Variants in ZC3H12B observed in about 807,000 individuals in gnomAD.
The protein encoded by ZC3H12B is probable ribonuclease ZC3H12B.
Under a neutral mutation model 43.9 loss-of-function variants are expected in ZC3H12B, and 7 were observed. The ratio of observed to expected loss-of-function variants is 0.16; its 90% CI spans 0.09 to 0.30. The LOEUF (loss-of-function observed/expected upper bound fraction) is 0.30, where lower values mean the gene tolerates loss of function less well. Among genes scored for constraint, ZC3H12B ranks in the 10% least tolerant of loss-of-function variants. The pLI is 1.00. For missense variants in ZC3H12B, 475 were observed against 670.2 expected (o/e 0.71, Z 3.22); for synonymous variants, 222 against 241.7 (o/e 0.92, Z 0.76).
intron 3 of ZC3H12B, among the ~76,000 whole-genome samples, chrX:65,470,648 C>T (rs1329071442): frequency 1.8e-5 from 2 of 111,375 alleles, no homozygotes; most frequent in African/African-American, 3.3e-5. Context: ...GAAGTACCCA[C>T]TCATGAGTGC....
chrX:65,055,226 C>T, the ZC3H12B span, among the ~76,000 whole-genome samples: 1 of 111,279 alleles, frequency 9.0e-6, no homozygotes, highest in African/African-American at 3.3e-5. Context: ...GTGGGTTTGT[C>T]ATAAATAGCT....
chrX:65,045,494 C>T, the ZC3H12B span, among the ~76,000 whole-genome samples: 2 of 112,084 alleles, frequency 1.8e-5, no homozygotes, highest in African/African-American at 6.5e-5. Context: ...AGAAGCAACT[C>T]CTCATCCATT....
the ZC3H12B span, among the ~76,000 whole-genome samples, chrX:65,255,288 G>A: frequency 9.0e-6 from 1 of 111,496 alleles, no homozygotes; most frequent in Non-Finnish European, 1.9e-5. Context: ...AAGAAAAAAC[G>A]TTAAGTCAGC....
At chrX:65,479,313 G>T in intron 3 of ZC3H12B, among the ~76,000 whole-genome samples, 1 of 111,036 alleles carries the variant, frequency 9.0e-6, no homozygotes, top group Non-Finnish European at 1.9e-5. Flanking sequence ...TTCTTACCGA[G>T]GTTCAGCCAG....
chrX:65,189,300 G>T, the ZC3H12B span, among the ~76,000 whole-genome samples: 1 of 92,401 alleles, frequency 1.1e-5, no homozygotes, highest in East Asian at 3.5e-4. Context: ...ATAGTCGTTT[G>T]GGTATATACC....
chrX:65,338,285 A>T, the ZC3H12B span, among the ~76,000 whole-genome samples: 1 of 111,783 alleles, frequency 8.9e-6, no homozygotes, highest in South Asian at 3.7e-4. Context: ...ATTTCTGGAA[A>T]CTCACAACCT....
the ZC3H12B span, among the ~76,000 whole-genome samples, chrX:65,246,558 A>G: frequency 1.8e-5 from 2 of 112,145 alleles, no homozygotes; most frequent in Non-Finnish European, 3.8e-5. Context: ...GGTACAAAAA[A>G]AGACATGCAG....
chrX:65,431,589 C>A (rs1351022895), intron 3 of ZC3H12B, among the ~76,000 whole-genome samples: 1 of 112,437 alleles, frequency 8.9e-6, no homozygotes, highest in South Asian at 3.7e-4. Context: ...ATGAGTCATT[C>A]TATCTACTTG....
intron 3 of ZC3H12B, among the ~76,000 whole-genome samples, chrX:65,471,280 A>G (rs899430899): frequency 4.6e-5 from 5 of 109,432 alleles, no homozygotes; most frequent in African/African-American, 1.3e-4. Flanking sequence ...TCTTTTTTTT[A>G]ACTGTTGTTG....
intron 3 of ZC3H12B, among the ~76,000 whole-genome samples, chrX:65,474,614 A>AT (rs1049113406): frequency 1.7e-3 from 176 of 103,178 alleles, no homozygotes; most frequent in East Asian, 2.1e-3. Context: ...TCTTCCATAT[A>AT]TTTTTTTTTT....
At chrX:65,467,015 T>C (rs2067833612) in intron 3 of ZC3H12B, among the ~76,000 whole-genome samples, 1 of 91,337 alleles carries the variant, frequency 1.1e-5, no homozygotes, top group Non-Finnish European at 2.2e-5. Flanking sequence ...GGATGAATTG[T>C]ATAGTGGTGA....
intron 3 of ZC3H12B, among the ~76,000 whole-genome samples, chrX:65,425,364 G>A (rs1178114424): frequency 9.0e-6 from 1 of 111,169 alleles, no homozygotes; most frequent in African/African-American, 3.3e-5. Flanking sequence ...AGAAGCTTTT[G>A]GGCTGTGACT....
At chrX:65,192,386 AT>A in the ZC3H12B span, among the ~76,000 whole-genome samples, 2 of 111,100 alleles carry the variant, frequency 1.8e-5, no homozygotes, top group East Asian at 2.8e-4. Flanking sequence ...ATTCAGTACC[AT>A]TTTGAATAAC....
the ZC3H12B span, among the ~76,000 whole-genome samples, chrX:65,296,011 A>G: frequency 8.9e-6 from 1 of 112,204 alleles, no homozygotes; most frequent in Non-Finnish European, 1.9e-5. Flanking sequence ...ACTACTAGGT[A>G]TCTTCCCAGA....
At chrX:65,144,386 A>G in the ZC3H12B span, among the ~76,000 whole-genome samples, 2 of 111,857 alleles carry the variant, frequency 1.8e-5, no homozygotes, top group Non-Finnish European at 3.8e-5. Context: ...AATCTTGCTA[A>G]TGGTCTACCA....
At chrX:65,437,185 A>G (rs1412062908) in intron 3 of ZC3H12B, among the ~76,000 whole-genome samples, 1 of 110,471 alleles carries the variant, frequency 9.1e-6, no homozygotes, top group Admixed American at 9.6e-5. Flanking sequence ...AACCTGACCT[A>G]TAGTGATCCA....
chrX:65,096,780 A>T, the ZC3H12B span, among the ~76,000 whole-genome samples: 4 of 111,631 alleles, frequency 3.6e-5, no homozygotes, highest in Middle Eastern at 4.7e-3. Flanking sequence ...TTCTCTCTAA[A>T]TTTTTTTTGT....
intron 3 of ZC3H12B, among the ~76,000 whole-genome samples, chrX:65,465,892 AT>A (rs990690159): frequency 7.1e-4 from 78 of 109,849 alleles, no homozygotes; most frequent in Non-Finnish European, 1.1e-3. Flanking sequence ...GATTATATAT[AT>A]TTTTTTGATA....
the ZC3H12B span, among the ~76,000 whole-genome samples, chrX:65,333,342 A>T: frequency 8.9e-6 from 1 of 112,281 alleles, no homozygotes; most frequent in Admixed American, 9.5e-5. Flanking sequence ...TATTGTACTT[A>T]TGCAAATAAC....
Sources: allele counts gnomAD v4.1 joint callset (sites outside exome capture counted in the v4.1 genomes callset), GRCh38; gene constraint gnomAD v4.1.1; transcripts MANE v1.5; gene names NCBI Gene and HGNC (gene_info 2026-07-23, HGNC 2026-07-21).